Variants in FBRSL1 observed in about 807,000 individuals in gnomAD.
The protein encoded by FBRSL1 is fibrosin-1-like protein.
Under a neutral mutation model 89.6 loss-of-function variants are expected in FBRSL1, and 51 were observed. The observed-to-expected ratio is 0.57, with a 90% CI of 0.45 to 0.72. The LOEUF is 0.72. FBRSL1 is among the 30% of genes least tolerant of loss of function. The pLI is 0.00. For missense variants in FBRSL1, 1,618 were observed against 1,451.8 expected, an observed-to-expected ratio of 1.11 and a Z score of -1.86; for synonymous variants, 779 against 681.1, an observed-to-expected ratio of 1.14 and a Z score of -2.24.
At chr12:132,548,122 G>A in intron 5 of FBRSL1, 90 bp downstream of exon 5, 1 of 1,469,124 alleles carries the variant, frequency 6.8e-7, no homozygotes, top group Admixed American at 2.0e-5. Context: ...TGGAGACCAG[G>A]CAGAAGATCG....
intron 1 of FBRSL1, among the ~76,000 whole-genome samples, chr12:132,505,612 T>C (rs1034925070): frequency 1.3e-5 from 2 of 151,952 alleles, no homozygotes; most frequent in African/African-American, 4.8e-5. Context: ...GTACGTGGAG[T>C]GACTGAGCGA....
intron 18 of FBRSL1, among the ~76,000 whole-genome samples, 153 bp downstream of exon 18, chr12:132,582,419 C>T (rs2040834092): frequency 7.0e-6 from 1 of 143,868 alleles, no homozygotes; most frequent in Non-Finnish European, 1.5e-5. Flanking sequence ...TTCCCCGTTC[C>T]CCCTCCCCCA....
chr12:132,523,193 G>A (rs1164123234), intron 2 of FBRSL1, among the ~76,000 whole-genome samples: 1 of 152,230 alleles, frequency 6.6e-6, no homozygotes, highest in Admixed American at 6.5e-5. Flanking sequence ...CCGGCCCCTG[G>A]TGTGGCTGGC....
intron 4 of FBRSL1, among the ~76,000 whole-genome samples, chr12:132,537,139 G>A (rs1366243825): frequency 6.6e-6 from 1 of 152,228 alleles, no homozygotes; most frequent in African/African-American, 2.4e-5. Flanking sequence ...CAGGATGTGA[G>A]GGCAGAGGGT....
chr12:132,576,690 C>T, intron 14 of FBRSL1, 109 bp from the exon 15 acceptor site: 7 of 1,259,542 alleles, frequency 5.6e-6, no homozygotes, highest in Non-Finnish European at 7.6e-6. Context: ...CCACCTGCTC[C>T]CCTTACTGGA....
intron 4 of FBRSL1, among the ~76,000 whole-genome samples, chr12:132,530,049 T>C (rs535371538): frequency 4.1e-4 from 61 of 148,380 alleles, no homozygotes; most frequent in Non-Finnish European, 7.3e-4. Context: ...CCCTTCCCAT[T>C]GTCATGAGTA....
chr12:132,574,661 G>A (rs757348153), intron 14 of FBRSL1, 97 bp downstream of exon 14: 47 of 1,395,356 alleles, frequency 3.4e-5, no homozygotes, highest in African/African-American at 8.6e-5. Context: ...GTTCACACGC[G>A]TGTGCACGGG....
At chr12:132,528,097 C>A in intron 4 of FBRSL1, 109 bp downstream of exon 4, 1 of 974,246 alleles carries the variant, frequency 1.0e-6, no homozygotes, top group Non-Finnish European at 1.6e-6. Context: ...CAGTCCCGTG[C>A]CCGCTTTCCC....
chr12:132,583,342 TG>T lies in FBRSL1; in HGVS notation c.2575del (p.Glu859SerfsTer102). On this transcript the variant is annotated frameshift_variant, in exon 19 of 19. Transcript: ENST00000680143. LOFTEE classifies it high-confidence loss of function. ...TTCGCGTGGGAGCCTTTCCGCGGCC[TG>T]GAGCTGCCACGTCGCGCCTTCCCCG... ...PGFAWEPFRG[L>X]ELPRRAFPAA... 1 of 1,171,754 alleles carries T rather than the reference TG, an allele frequency of 8.5e-7. No individual in the cohort carries two copies. Among genetic ancestry groups the T allele is most frequent in the South Asian group, 2.5e-5 (1 of 39,418 alleles). The allele number at this position is 1,171,754 out of a possible 1,614,324, so 72.6% of individuals were successfully genotyped here.
rs567593681 is a variant in FBRSL1, at chr12:132,581,806, C to G, written c.1978C>G (p.Leu660Val). ...CCTGAGCAGCCACGCCTTTGGGGGC[C>G]TGGGCAGCCATGCACTGGGTGAGTG... ...GSLSSHAFGG[L>V]GSHALAPGGS... is the part of the protein sequence containing the mutation. Residue 660 changes from leucine (L) to valine (V), a missense_variant, in exon 17 of 19, where the codon CTG becomes GTG. By Grantham distance (32) the Leu-to-Val change is conservative (BLOSUM62 1). Transcript: ENST00000680143. 19 of 1,548,558 alleles carry G rather than the reference C, an allele frequency of 1.2e-5. 1 individual carries two copies. The South Asian group carries it at 1.7e-4, about 14-fold the overall frequency.
chr12:132,536,517 G>C (rs1043452770), intron 4 of FBRSL1, among the ~76,000 whole-genome samples: 1 of 151,408 alleles, frequency 6.6e-6, no homozygotes, highest in Non-Finnish European at 1.5e-5. Flanking sequence ...GATGGTGTGA[G>C]TGCATGTGTA....
At chr12:132,501,625 C>A (rs1191071190) in intron 1 of FBRSL1, among the ~76,000 whole-genome samples, 1 of 152,132 alleles carries the variant, frequency 6.6e-6, no homozygotes, top group Non-Finnish European at 1.5e-5. Context: ...GGCCCAAGGC[C>A]TTGGACAGGA....
intron 4 of FBRSL1, among the ~76,000 whole-genome samples, chr12:132,534,426 G>A (rs556143817): frequency 1.3e-5 from 2 of 152,348 alleles, no homozygotes; most frequent in East Asian, 3.9e-4. Context: ...TGCGGAAGCC[G>A]AGGCCCAGGC....
In FBRSL1 at chr12:132,581,147, C is replaced by A; in HGVS notation, c.1835-292C>A. The A allele has an allele frequency of 4.1e-6, 4 of 985,444 alleles. No individual in the cohort carries two copies. In the South Asian group the frequency reaches 1.9e-4, roughly 46 times the overall value. The allele number at this position is 985,444 out of a possible 1,614,324, so 61.0% of individuals were successfully genotyped here. On this transcript the variant is annotated intron_variant, in intron 15 of 18. Transcript: ENST00000680143. ...ATGTTACTTGGACTTTGTCTCTGCC[C>A]AAGTTGCAGCCCCTTTGCTCCGAGG...
chr12:132,553,252 G>C (rs1452596270), intron 5 of FBRSL1: 1 of 152,436 alleles, frequency 6.6e-6, no homozygotes, highest in Non-Finnish European at 1.5e-5. Flanking sequence ...GCCCACACCG[G>C]GTGACCGTGG....
chr12:132,526,712 T>C (rs2035814770), intron 3 of FBRSL1, among the ~76,000 whole-genome samples: 1 of 152,136 alleles, frequency 6.6e-6, no homozygotes, highest in Non-Finnish European at 1.5e-5. Context: ...CTCCTTTTCT[T>C]CCTCTGCCTT....
chr12:132,574,636 C>A, intron 14 of FBRSL1, 72 bp downstream of exon 14: 1 of 1,509,090 alleles, frequency 6.6e-7, no homozygotes, highest in Non-Finnish European at 8.9e-7. Context: ...GAAGGCCAGG[C>A]ATGAGGCTGT....
rs1359975822 is a variant in FBRSL1 at position 132,583,166 on chromosome 12, C to T, written c.2397C>T (p.Arg799=). The part of the protein sequence containing the change: ...AKEEAAKMPA[R]ASPPHSKAAP... ...AGGAGGCCGCCAAGATGCCCGCGCGCGCATCCCCGCCCCACAGCAAGGCGG... is the reference window on the plus strand; with the variant it reads ...AGGAGGCCGCCAAGATGCCCGCGCGTGCATCCCCGCCCCACAGCAAGGCGG... The change falls in exon 19 of 19, where the codon CGC becomes CGT. Residue 799 remains arginine (R), a synonymous_variant. Transcript: ENST00000680143. 2.7e-6 allele frequency: 4 copies of T among 1,460,046 alleles called. No individual in the cohort carries two copies. The South Asian group carries it at 3.8e-5, about 14-fold the overall frequency. 90.4% of individuals were successfully genotyped at this position (1,460,046 alleles called of 1,614,324 possible).
intron 4 of FBRSL1, among the ~76,000 whole-genome samples, chr12:132,537,496 T>C (rs553952964): frequency 6.6e-6 from 1 of 152,278 alleles, no homozygotes; most frequent in South Asian, 2.1e-4. Flanking sequence ...ATGTTCCTAT[T>C]TGTGGCAGTC....
Sources: allele counts gnomAD v4.1 joint callset (sites outside exome capture counted in the v4.1 genomes callset), GRCh38; gene constraint gnomAD v4.1.1; transcripts MANE v1.5; gene names NCBI Gene and HGNC (gene_info 2026-07-23, HGNC 2026-07-21).